Variants in MALRD1 observed in about 807,000 individuals in gnomAD.
MALRD1 encodes the protein MAM and LDL receptor class A domain containing 1.
Under a neutral mutation model 242.1 loss-of-function variants are expected in MALRD1, and 247 were observed. The observed-to-expected ratio is 1.02, with a 90% CI of 0.92 to 1.13. MALRD1 has a LOEUF of 1.13. Ranked by LOEUF, MALRD1 falls within the 50% of genes most tolerant of loss-of-function variation. The pLI, the probability that MALRD1 is intolerant of heterozygous loss-of-function variation, is 0.00. For synonymous variants in MALRD1, 995 were observed against 866.6 expected (o/e 1.15, Z -2.60); for missense variants, 2,989 against 2,533.1 (o/e 1.18, Z -3.86).
chr10:19,065,323 A>G (rs1834944215), intron 1 of MALRD1, among the ~76,000 whole-genome samples: 1 of 149,838 alleles, frequency 6.7e-6, no homozygotes, highest in South Asian at 2.1e-4. Context: ...AGAAAGAAAG[A>G]GAAAGAAAGC....
intron 28 of MALRD1, among the ~76,000 whole-genome samples, chr10:19,413,630 T>G (rs1316267411): frequency 6.6e-6 from 1 of 152,136 alleles, no homozygotes; most frequent in African/African-American, 2.4e-5. Flanking sequence ...TTTACCAGAT[T>G]ATTATTCTCT....
At chr10:19,519,330 A>G (rs1833778777) in intron 31 of MALRD1, among the ~76,000 whole-genome samples, 1 of 152,176 alleles carries the variant, frequency 6.6e-6, no homozygotes, top group African/African-American at 2.4e-5. Context: ...ACCAAAACAT[A>G]TAAGCATGAA....
chr10:19,335,229 T>C (rs1286218809), intron 24 of MALRD1, among the ~76,000 whole-genome samples: 1 of 149,202 alleles, frequency 6.7e-6, no homozygotes, highest in African/African-American at 2.5e-5. Flanking sequence ...GGCATATTCA[T>C]ACCGGTAATA....
intron 28 of MALRD1, among the ~76,000 whole-genome samples, chr10:19,393,612 ATTT>A (rs71387075): frequency 1.5e-5 from 2 of 132,412 alleles, no homozygotes. Context: ...CGCCTGGCTA[ATTT>A]TTTTTTTTTT....
intron 20 of MALRD1, among the ~76,000 whole-genome samples, chr10:19,281,727 T>C (rs1840821448): frequency 6.6e-6 from 1 of 152,020 alleles, no homozygotes. Flanking sequence ...ATCATAGCAC[T>C]TTGGGAGGCC....
At chr10:19,256,143 G>A (rs1161931413) in intron 18 of MALRD1, among the ~76,000 whole-genome samples, 7 of 151,930 alleles carry the variant, frequency 4.6e-5, no homozygotes, top group Admixed American at 1.3e-4. Flanking sequence ...GAGGAGTGAG[G>A]CCAAGTCAAT....
At chr10:19,713,164 C>T (rs935319408) in intron 38 of MALRD1, among the ~76,000 whole-genome samples, 1 of 97,016 alleles carries the variant, frequency 1.0e-5, no homozygotes, top group Admixed American at 9.2e-5. Context: ...CTCCTTAAAG[C>T]CACACATTAA....
intron 2 of MALRD1, among the ~76,000 whole-genome samples, chr10:19,079,091 C>A (rs552539348): frequency 2.0e-5 from 3 of 151,284 alleles, no homozygotes; most frequent in African/African-American, 7.2e-5. Context: ...ATGTTGAGAT[C>A]TTTCCTTGTT....
At chr10:19,295,748 G>A (rs1295955764) in intron 21 of MALRD1, among the ~76,000 whole-genome samples, 2 of 152,236 alleles carry the variant, frequency 1.3e-5, no homozygotes, top group East Asian at 1.9e-4. Context: ...CAACACTGTA[G>A]CCCTAGTACC....
intron 31 of MALRD1, among the ~76,000 whole-genome samples, chr10:19,508,483 G>T (rs1219907073): frequency 6.6e-6 from 1 of 152,152 alleles, no homozygotes; most frequent in Non-Finnish European, 1.5e-5. Context: ...CAAATTTTCT[G>T]ACTCAAAACA....
chr10:19,603,785 T>C (rs10764090), intron 34 of MALRD1, among the ~76,000 whole-genome samples: 77,835 of 151,982 alleles, frequency 0.51, 20,057 homozygotes, highest in Non-Finnish European at 0.53. Context: ...ATCATGTCTG[T>C]TATGGTGATC....
intron 4 of MALRD1, among the ~76,000 whole-genome samples, chr10:19,094,986 T>G (rs1175243486): frequency 6.6e-6 from 1 of 152,198 alleles, no homozygotes; most frequent in African/African-American, 2.4e-5. Flanking sequence ...TTAAAGCATT[T>G]TATTCCTTAA....
chr10:19,674,515 C>T (rs1478658819), intron 36 of MALRD1, among the ~76,000 whole-genome samples: 1 of 152,136 alleles, frequency 6.6e-6, no homozygotes, highest in Admixed American at 6.5e-5. Flanking sequence ...TCCTTCCTTC[C>T]AGAGCCCAGC....
chr10:19,182,922 A>G (rs925485518), intron 14 of MALRD1, among the ~76,000 whole-genome samples: 1 of 152,180 alleles, frequency 6.6e-6, no homozygotes, highest in Non-Finnish European at 1.5e-5. Flanking sequence ...CTTTAATCAC[A>G]GTACATTTTA....
At chr10:19,243,003 C>G (rs1192346632) in intron 18 of MALRD1, among the ~76,000 whole-genome samples, 1 of 149,502 alleles carries the variant, frequency 6.7e-6, no homozygotes, top group Non-Finnish European at 1.5e-5. Context: ...TTCTTCCTTT[C>G]TTATTGTTTA....
At chr10:19,559,162 G>A (rs531082227) in intron 32 of MALRD1, among the ~76,000 whole-genome samples, 1 of 151,762 alleles carries the variant, frequency 6.6e-6, no homozygotes, top group Admixed American at 6.6e-5. Flanking sequence ...CAGCCTGGGT[G>A]ACAGAACAAG....
chr10:19,518,052 G>T (rs1219355802), intron 31 of MALRD1, among the ~76,000 whole-genome samples: 1 of 152,146 alleles, frequency 6.6e-6, no homozygotes, highest in African/African-American at 2.4e-5. Flanking sequence ...AGCACTTTAG[G>T]GAATCCCCTG....
intron 21 of MALRD1, among the ~76,000 whole-genome samples, chr10:19,285,605 G>C (rs1279101239): frequency 6.7e-6 from 1 of 150,330 alleles, no homozygotes; most frequent in Non-Finnish European, 1.5e-5. Flanking sequence ...CTGTTCCATT[G>C]GTCTATATCT....
chr10:19,273,104 C>T (rs1208499943), intron 19 of MALRD1, among the ~76,000 whole-genome samples: 2 of 152,100 alleles, frequency 1.3e-5, no homozygotes, highest in East Asian at 3.8e-4. Context: ...GAGGAATTGC[C>T]ACACTGTCTT....
Sources: gnomAD v4.1 joint callset for allele counts (sites outside exome capture counted in the v4.1 genomes callset) on GRCh38, gnomAD v4.1.1 for gene constraint, MANE v1.5 for transcripts, NCBI Gene and HGNC (gene_info 2026-07-23, HGNC 2026-07-21) for gene names.